The following OXR1 variants were observed in gnomAD, a reference collection of about 807,000 sequenced individuals.
OXR1 encodes the protein oxidation resistance 1.
OXR1 carries 41 observed loss-of-function variants against 104.6 expected under a neutral mutation model. The observed-to-expected ratio is 0.39, with a 90% CI of 0.31 to 0.51. The LOEUF is 0.51. Among genes scored for constraint, OXR1 ranks in the 20% least tolerant of loss-of-function variants. OXR1 has a pLI of 0.77. For synonymous variants in OXR1, 348 were observed against 348.4 expected, an observed-to-expected ratio of 1.00 and a Z score of 0.01; for missense variants, 955 against 1,031.9, an observed-to-expected ratio of 0.93 and a Z score of 1.02.
At chr8:106,717,487 A>T (rs914808513) in intron 11 of OXR1, among the ~76,000 whole-genome samples, 2 of 152,184 alleles carry the variant, frequency 1.3e-5, no homozygotes, top group South Asian at 2.1e-4. Context: ...AGTGATACTT[A>T]AAAAAGATCT....
intron 2 of OXR1, among the ~76,000 whole-genome samples, chr8:106,408,029 C>T (rs1818306094): frequency 6.6e-6 from 1 of 152,182 alleles, no homozygotes; most frequent in Non-Finnish European, 1.5e-5. Flanking sequence ...GGAAATATTT[C>T]TAATTGTCAT....
intron 3 of OXR1, among the ~76,000 whole-genome samples, chr8:106,563,037 T>C (rs889809280): frequency 6.6e-6 from 1 of 152,052 alleles, no homozygotes; most frequent in Non-Finnish European, 1.5e-5. Context: ...GTAAAGACCA[T>C]TGACACGACA....
chr8:106,280,476 C>A (rs78400276), intron 1 of OXR1, among the ~76,000 whole-genome samples: 13,002 of 152,158 alleles, frequency 0.085, 673 homozygotes, highest in African/African-American at 0.14. Flanking sequence ...CTCATCACAC[C>A]ACCAGTCTCC....
chr8:106,497,790 G>A (rs988106761), intron 2 of OXR1, among the ~76,000 whole-genome samples: 4 of 136,682 alleles, frequency 2.9e-5, no homozygotes, highest in African/African-American at 1.4e-4. Context: ...GTCACCATAT[G>A]TGTGTGTGTG....
At position 106,598,093 on chromosome 8, in the gene OXR1, A is replaced by G. The variant is rs149096781; in HGVS notation, c.220+78954A>G. ...TCCACAGGCACCTCCTGGCCACTAT[A>G]GTTTCTCTTAATATTTCTCCTTTAG... On this transcript the variant is annotated intron_variant, in intron 3 of 16. Transcript: ENST00000517566. Among the ~76,000 whole-genome samples, 87 of 152,254 alleles carry G rather than the reference A, an allele frequency of 5.7e-4. 1 individual carries two copies. In the East Asian group the frequency reaches 8.3e-3, roughly 15 times the overall value.
intron 2 of OXR1, among the ~76,000 whole-genome samples, chr8:106,454,733 C>G (rs1820508721): frequency 6.6e-6 from 1 of 152,080 alleles, no homozygotes; most frequent in South Asian, 2.1e-4. Context: ...CCAACATACT[C>G]TTCCAGTTTC....
chr8:106,424,820 G>A (rs1202152707), intron 2 of OXR1, among the ~76,000 whole-genome samples: 1 of 151,816 alleles, frequency 6.6e-6, no homozygotes, highest in Admixed American at 6.6e-5. Flanking sequence ...AAAAAATGGT[G>A]TTATTTTTAT....
chr8:106,411,213 A>G (rs1456379659), intron 2 of OXR1, among the ~76,000 whole-genome samples: 1 of 152,182 alleles, frequency 6.6e-6, no homozygotes, highest in Non-Finnish European at 1.5e-5. Flanking sequence ...CATGTGGGCA[A>G]ACTCTCTAGT....
At chr8:106,733,250 C>G (rs556088489) in intron 11 of OXR1, among the ~76,000 whole-genome samples, 1 of 152,180 alleles carries the variant, frequency 6.6e-6, no homozygotes, top group Admixed American at 6.5e-5. Context: ...TCTAGATTAT[C>G]AAATTAGTGA....
At chr8:106,515,147 T>G (rs1291275495) in intron 2 of OXR1, among the ~76,000 whole-genome samples, 1 of 152,074 alleles carries the variant, frequency 6.6e-6, no homozygotes, top group Non-Finnish European at 1.5e-5. Flanking sequence ...CAAATAAACT[T>G]TGTTGCCTTG....
At chr8:106,463,338 TTC>T (rs1234025553) in intron 2 of OXR1, among the ~76,000 whole-genome samples, 1 of 152,120 alleles carries the variant, frequency 6.6e-6, no homozygotes, top group Non-Finnish European at 1.5e-5. Context: ...CATTTAGTTT[TTC>T]TCTGTTAAGT....
chr8:106,372,321 C>T (rs913229311), intron 2 of OXR1, among the ~76,000 whole-genome samples: 1 of 152,210 alleles, frequency 6.6e-6, no homozygotes, highest in Non-Finnish European at 1.5e-5. Flanking sequence ...TTCCTTCTCT[C>T]TGTGAGTCAC....
intron 6 of OXR1, among the ~76,000 whole-genome samples, chr8:106,684,938 A>G (rs1281676577): frequency 1.3e-5 from 2 of 152,124 alleles, no homozygotes; most frequent in East Asian, 3.8e-4. Flanking sequence ...TATATATTAT[A>G]TATTTCTTTG....
chr8:106,637,350 G>T (rs1823230054), intron 3 of OXR1, among the ~76,000 whole-genome samples: 1 of 151,922 alleles, frequency 6.6e-6, no homozygotes, highest in African/African-American at 2.4e-5. Context: ...TATCCAAAAT[G>T]GATTCTACAG....
intron 2 of OXR1, among the ~76,000 whole-genome samples, chr8:106,417,898 A>C (rs1354524660): frequency 6.6e-6 from 1 of 152,134 alleles, no homozygotes; most frequent in Non-Finnish European, 1.5e-5. Context: ...TCCTCAGGGG[A>C]CTAGGAGCAG....
chr8:106,538,087 C>T (rs1407770121), intron 3 of OXR1, among the ~76,000 whole-genome samples: 1 of 152,112 alleles, frequency 6.6e-6, no homozygotes, highest in Admixed American at 6.5e-5. Flanking sequence ...ATGGTTACTC[C>T]TAGCCAAATG....
At chr8:106,334,800 T>C (rs1814888589) in intron 1 of OXR1, among the ~76,000 whole-genome samples, 1 of 152,128 alleles carries the variant, frequency 6.6e-6, no homozygotes, top group Non-Finnish European at 1.5e-5. Flanking sequence ...TATTCCATTC[T>C]TTCTGTCCTC....
At position 106,740,474 on chromosome 8, in the gene OXR1, G is replaced by C. The variant is rs142390505; in HGVS notation, c.2295G>C (p.Val765=). The change falls in exon 14 of 17, where the codon GTG becomes GTC. Residue 765 remains valine (V), a synonymous_variant. Coordinates refer to ENST00000517566, the MANE Select transcript of OXR1 (RefSeq NM_001198533.2). The part of the protein sequence containing the change: ...MTGLDTPVLM[V]IKDSDGQVFG... Reference sequence around the variant, plus strand: ...GTTTAGACACCCCAGTGCTGATGGTGATTAAAGACAGTGATGGACAGGTAT... The same window carrying C: ...GTTTAGACACCCCAGTGCTGATGGTCATTAAAGACAGTGATGGACAGGTAT... 8.7e-5 allele frequency: 141 copies of C among 1,612,102 alleles called. No homozygotes were observed. In the African/African-American group the frequency reaches 1.6e-3, roughly 19 times the overall value.
chr8:106,610,033 A>G (rs1456557653), intron 3 of OXR1, among the ~76,000 whole-genome samples: 4 of 152,182 alleles, frequency 2.6e-5, no homozygotes, highest in Non-Finnish European at 5.9e-5. Context: ...CTCTAGACCC[A>G]TAAATCCAAT....
Sources: allele counts gnomAD v4.1 joint callset (sites outside exome capture counted in the v4.1 genomes callset), GRCh38; gene constraint gnomAD v4.1.1; transcripts MANE v1.5; gene names NCBI Gene and HGNC (gene_info 2026-07-23, HGNC 2026-07-21).